Variants in RNGTT observed in about 807,000 individuals in gnomAD.
RNGTT encodes RNA guanylyltransferase and 5'-phosphatase.
Under a neutral mutation model 79.3 loss-of-function variants are expected in RNGTT, and 33 were observed. The ratio of observed to expected loss-of-function variants is 0.42; its 90% confidence interval spans 0.32 to 0.56. The LOEUF (loss-of-function observed/expected upper bound fraction) is 0.56. Ranked by LOEUF, RNGTT falls within the 20% of genes least tolerant of loss-of-function variation. The pLI is 0.17. For missense variants in RNGTT, 497 were observed against 739.1 expected (o/e 0.67, Z 3.80); for synonymous variants, 222 against 235.9 (o/e 0.94, Z 0.54).
At chr6:88,820,547 A>C (rs1472458134) in intron 11 of RNGTT, among the ~76,000 whole-genome samples, 1 of 152,198 alleles carries the variant, frequency 6.6e-6, no homozygotes, top group Middle Eastern at 3.2e-3. Context: ...AATAAACAAA[A>C]ACTCCTGGAA....
chr6:88,644,512 A>G (rs1773458261), intron 14 of RNGTT, among the ~76,000 whole-genome samples: 1 of 152,250 alleles, frequency 6.6e-6, no homozygotes, highest in African/African-American at 2.4e-5. Flanking sequence ...TGAGGCCAGC[A>G]TCATCCTCAT....
At chr6:88,612,908 A>T (rs201502603) in intron 15 of RNGTT, 26 bp from the exon 16 acceptor site, 16 of 1,605,536 alleles carry the variant, frequency 1.0e-5, no homozygotes, top group Non-Finnish European at 1.4e-5. Context: ...GACAGGTCTC[A>T]TGTGAGGGTT....
At chr6:88,853,230 G>C (rs943752051) in intron 9 of RNGTT, among the ~76,000 whole-genome samples, 5 of 152,204 alleles carry the variant, frequency 3.3e-5, no homozygotes, top group African/African-American at 9.7e-5. Flanking sequence ...AGATTTGGCT[G>C]GGCGCAGTGG....
chr6:88,698,195 TATATG>T (rs1775785839), intron 13 of RNGTT, among the ~76,000 whole-genome samples: 1 of 113,282 alleles, frequency 8.8e-6, no homozygotes, highest in Non-Finnish European at 1.7e-5. Context: ...ATATGAAATA[TATATG>T]ATATATATGA....
chr6:88,810,670 T>G (rs958545098), intron 11 of RNGTT, among the ~76,000 whole-genome samples: 2 of 152,248 alleles, frequency 1.3e-5, no homozygotes, highest in Admixed American at 6.5e-5. Context: ...TTCTTTTGTG[T>G]CTGATATTAC....
At chr6:88,892,944 G>A (rs930121007) in intron 6 of RNGTT, among the ~76,000 whole-genome samples, 1 of 151,994 alleles carries the variant, frequency 6.6e-6, no homozygotes, top group Non-Finnish European at 1.5e-5. Flanking sequence ...TAATTTTGAA[G>A]CACTTTTTGT....
At chr6:88,878,965 T>C (rs1424431116) in intron 8 of RNGTT, among the ~76,000 whole-genome samples, 1 of 152,214 alleles carries the variant, frequency 6.6e-6, no homozygotes, top group Non-Finnish European at 1.5e-5. Context: ...TCTCATTACC[T>C]TATCCACACT....
At chr6:88,619,181 T>TC (rs1417838641) in intron 14 of RNGTT, among the ~76,000 whole-genome samples, 6 of 152,110 alleles carry the variant, frequency 3.9e-5, no homozygotes, top group Non-Finnish European at 8.8e-5. Context: ...TTTTTTTTTT[T>TC]CTGAGACAAA....
At chr6:88,879,108 C>A (rs974789012) in intron 8 of RNGTT, among the ~76,000 whole-genome samples, 2 of 152,000 alleles carry the variant, frequency 1.3e-5, no homozygotes, top group Non-Finnish European at 2.9e-5. Context: ...GTATAAAAAC[C>A]TTTAGAGACC....
intron 13 of RNGTT, among the ~76,000 whole-genome samples, chr6:88,746,398 A>G (rs377050906): frequency 6.6e-6 from 1 of 152,148 alleles, no homozygotes; most frequent in Admixed American, 6.6e-5. Flanking sequence ...TATGCTTTAA[A>G]TTATGTACCA....
intron 11 of RNGTT, among the ~76,000 whole-genome samples, chr6:88,814,164 G>GT (rs1780237968): frequency 6.6e-6 from 1 of 151,974 alleles, no homozygotes; most frequent in Non-Finnish European, 1.5e-5. Context: ...TATGAAAGGG[G>GT]TAAGATTTTA....
chr6:88,911,417 A>G (rs55913239), intron 4 of RNGTT, among the ~76,000 whole-genome samples: 1,711 of 152,340 alleles, frequency 0.011, 15 homozygotes, highest in Admixed American at 0.019. Context: ...GTTCAATTCA[A>G]CAAGAAGACT....
At chr6:88,888,405 C>A (rs952087048) in intron 8 of RNGTT, among the ~76,000 whole-genome samples, 15 of 152,144 alleles carry the variant, frequency 9.9e-5, no homozygotes, top group Admixed American at 7.8e-4. Flanking sequence ...TCTAACCCAA[C>A]ATATTAAATA....
chr6:88,849,837 A>G lies in RNGTT; in HGVS notation c.1033-11T>C. The G allele has an allele frequency of 6.5e-7, 1 of 1,536,208 alleles. No individual in the cohort carries two copies. Among genetic ancestry groups the G allele is most frequent in the Non-Finnish European group, 8.7e-7 (1 of 1,146,918 alleles). On this transcript the variant is annotated splice_polypyrimidine_tract_variant and intron_variant, in intron 9 of 15. Coordinates refer to ENST00000369485, the MANE Select transcript of RNGTT (RefSeq NM_003800.5). ...GTCAATAATCATCTCCTTGAAAGAG[A>G]AAAGAAGGTAAGTTTCTTCATACTT...
intron 14 of RNGTT, among the ~76,000 whole-genome samples, chr6:88,673,814 C>A (rs556172516): frequency 5.3e-4 from 80 of 152,300 alleles, no homozygotes; most frequent in African/African-American, 1.9e-3. Flanking sequence ...GTAACTCACA[C>A]CATGCACACA....
At chr6:88,716,344 T>C (rs1385644478) in intron 13 of RNGTT, among the ~76,000 whole-genome samples, 1 of 150,976 alleles carries the variant, frequency 6.6e-6, no homozygotes, top group East Asian at 1.9e-4. Flanking sequence ...TGTGGAGAAA[T>C]AGGAACACTT....
intron 13 of RNGTT, among the ~76,000 whole-genome samples, chr6:88,698,557 T>C (rs1445433721): frequency 6.6e-6 from 1 of 151,668 alleles, no homozygotes; most frequent in Non-Finnish European, 1.5e-5. Flanking sequence ...AACTTTTTAC[T>C]TAGCTGAGTA....
chr6:88,735,603 G>A (rs9351173), intron 13 of RNGTT, among the ~76,000 whole-genome samples: 1 of 148,854 alleles, frequency 6.7e-6, no homozygotes, highest in Non-Finnish European at 1.5e-5. Context: ...AAAAGAAAAA[G>A]CAGTCAAGAG....
intron 13 of RNGTT, among the ~76,000 whole-genome samples, chr6:88,682,380 G>A (rs1409772790): frequency 6.6e-6 from 1 of 152,074 alleles, no homozygotes; most frequent in East Asian, 1.9e-4. Flanking sequence ...GTTATCCAAA[G>A]ACCAGACTAC....
Sources: allele counts gnomAD v4.1 joint callset (sites outside exome capture counted in the v4.1 genomes callset), GRCh38; gene constraint gnomAD v4.1.1; transcripts MANE v1.5; gene names NCBI Gene and HGNC (gene_info 2026-07-23, HGNC 2026-07-21).